The following NFIX variants were observed in gnomAD, a reference collection of about 807,000 sequenced individuals.
NFIX encodes the protein nuclear factor I X.
Under a neutral mutation model 53.3 loss-of-function variants are expected in NFIX, and 2 were observed. The ratio of observed to expected loss-of-function variants is 0.04; its 90% CI spans 0.02 to 0.12. The LOEUF is 0.12. NFIX is among the 10% of genes least tolerant of loss of function. The probability of loss-of-function intolerance (pLI) is 1.00; values close to 1 mark genes in which losing one functional copy is unlikely to be tolerated. For synonymous variants in NFIX, 244 were observed against 289.0 expected (o/e 0.84, Z 1.58); for missense variants, 310 against 674.5 (o/e 0.46, Z 5.99).
intron 7 of NFIX, among the ~76,000 whole-genome samples, chr19:13,079,757 CCA>C (rs894200934): frequency 6.6e-6 from 1 of 152,218 alleles, no homozygotes; most frequent in Non-Finnish European, 1.5e-5. Flanking sequence ...TTTATGAACT[CCA>C]GAGAGAAGCC....
Position 13,037,922 on chromosome 19 carries a change from C to G in NFIX, c.559+12370C>G, listed in dbSNP as rs1006682268. Among the ~76,000 whole-genome samples the G allele has an allele frequency of 6.6e-6, 1 of 152,086 alleles. No individual in the cohort carries two copies. Among genetic ancestry groups the G allele is most frequent in the Non-Finnish European group, 1.5e-5 (1 of 68,014 alleles). ...CGTCACAAGTGCGGAGGTGGAGAAA[C>G]CCAGCCTTAGAGGGAGAATAAGCAG... On this transcript the variant is annotated intron_variant, in intron 2 of 10. Coordinates refer to ENST00000592199, the MANE Select transcript of NFIX (RefSeq NM_001365902.3). The surrounding 1 kb of genome is among the most constrained non-coding windows in gnomAD (Gnocchi z 4.2).
rs897115191 is a variant in NFIX, at chr19:13,060,175, C to T, written c.560-12872C>T. 1.3e-5 allele frequency among the ~76,000 whole-genome samples: 2 copies of T among 152,214 alleles called. No individual in the cohort carries two copies. Among genetic ancestry groups the T allele is most frequent in the African/African-American group, 4.8e-5 (2 of 41,456 alleles). On this transcript the variant is annotated intron_variant, in intron 2 of 10. Transcript: ENST00000592199. The surrounding 1 kb of genome is among the most constrained non-coding windows in gnomAD (Gnocchi z 4.3). ...GGGGTGGGAGTAAGCCTGTTCTCAGCTCCCCTTTACTAGGGACAGGTAATT... is the reference window on the plus strand; with the variant it reads ...GGGGTGGGAGTAAGCCTGTTCTCAGTTCCCCTTTACTAGGGACAGGTAATT...
rs1399948841 is a variant in NFIX, at chr19:12,996,035, A to C, written c.27+171A>C. On this transcript the variant is annotated intron_variant, in intron 1 of 10. Transcript: ENST00000592199. This position sits in a 1 kb window ranked among gnomAD's most constrained non-coding sequence, Gnocchi z 5.2. ...GAGCCCAGGCACGCGTGCGGGCGTCACCGTGCGCGTGCGACCCTGGCCACC... is the reference window on the plus strand; with the variant it reads ...GAGCCCAGGCACGCGTGCGGGCGTCCCCGTGCGCGTGCGACCCTGGCCACC... Among the ~76,000 whole-genome samples the C allele has an allele frequency of 1.3e-5, 2 of 150,832 alleles. No individual in the cohort carries two copies. The highest frequency in any genetic ancestry group is 4.9e-5 in the African/African-American group (2 of 41,096).
rs2012187963 is a variant in NFIX, at chr19:13,009,142, C to T, written c.27+13278C>T. On this transcript the variant is annotated intron_variant, in intron 1 of 10. Coordinates refer to ENST00000592199, the MANE Select transcript of NFIX (RefSeq NM_001365902.3). The surrounding 1 kb of genome is among the most constrained non-coding windows in gnomAD (Gnocchi z 4.7). ...ACCGGCACAATCTGTCGTCCACGCA[C>T]AGTCTCACACACAACCTGTCACACA... Among the ~76,000 whole-genome samples the T allele has an allele frequency of 6.6e-6, 1 of 152,212 alleles. No individual in the cohort carries two copies. Among genetic ancestry groups the T allele is most frequent in the Non-Finnish European group, 1.5e-5 (1 of 68,038 alleles).
chr19:13,016,544 C>T (rs2012676879), intron 1 of NFIX, among the ~76,000 whole-genome samples: 1 of 150,814 alleles, frequency 6.6e-6, no homozygotes, highest in Admixed American at 6.6e-5. Context: ...GCCACCTCTT[C>T]TTTTTTTTCT....
At position 12,996,186 on chromosome 19, in the gene NFIX, G is replaced by A. The variant is rs1445504602; in HGVS notation, c.27+322G>A. 6.6e-6 allele frequency among the ~76,000 whole-genome samples: 1 copy of A among 151,874 alleles called. No individual in the cohort carries two copies. The highest frequency in any genetic ancestry group is 2.4e-5 in the African/African-American group (1 of 41,382). ...GTGTGTGTGTGCGCGCTCGACTGGG[G>A]TGCGATGGGCAGCGGGACTCCGGCT... On this transcript the variant is annotated intron_variant, in intron 1 of 10. Coordinates refer to ENST00000592199, the MANE Select transcript of NFIX (RefSeq NM_001365902.3). The surrounding 1 kb of genome is among the most constrained non-coding windows in gnomAD (Gnocchi z 5.2).
rs1599703322 is a variant in NFIX at position 13,002,504 on chromosome 19, T to A, written c.27+6640T>A. On this transcript the variant is annotated intron_variant, in intron 1 of 10. Coordinates refer to ENST00000592199, the MANE Select transcript of NFIX (RefSeq NM_001365902.3). This position sits in a 1 kb window ranked among gnomAD's most constrained non-coding sequence, Gnocchi z 6.1. ...AGGCCTGGCGGGTGAGGGAACAGGG[T>A]GGACAGGGCCTGGCAGCCAGAGGGA... is the stretch of plus-strand genomic sequence containing the variant. Among the ~76,000 whole-genome samples the A allele has an allele frequency of 1.3e-5, 2 of 148,984 alleles. No individual in the cohort carries two copies. Among genetic ancestry groups the A allele is most frequent in the South Asian group, 4.3e-4 (2 of 4,704 alleles).
chr19:13,069,215 G>A (rs2016615505), intron 2 of NFIX, among the ~76,000 whole-genome samples: 2 of 152,302 alleles, frequency 1.3e-5, no homozygotes, highest in South Asian at 2.1e-4. Flanking sequence ...GAGACTGGGA[G>A]GGTGGTTGGG....
rs965101102 is a variant in NFIX at position 13,078,572 on chromosome 19, C to T, written c.956-41C>T. 1.3e-6 allele frequency: 2 copies of T among 1,570,988 alleles called. No homozygotes were observed. The highest frequency in any genetic ancestry group is 1.7e-6 in the Non-Finnish European group (2 of 1,156,654). On this transcript the variant is annotated intron_variant, in intron 6 of 10. Coordinates refer to ENST00000592199, the MANE Select transcript of NFIX (RefSeq NM_001365902.3). The surrounding 1 kb of genome is among the most constrained non-coding windows in gnomAD (Gnocchi z 4.7). ...CCCGCCTTCCCCGCACCCACCCCAGCCCAGCTAAACCTGCCCTGTGTTGCT... is the reference window on the plus strand; with the variant it reads ...CCCGCCTTCCCCGCACCCACCCCAGTCCAGCTAAACCTGCCCTGTGTTGCT...
chr19:13,068,241 C>A lies in NFIX; in HGVS notation c.560-4806C>A, dbSNP rs565994313. 1.3e-5 allele frequency among the ~76,000 whole-genome samples: 2 copies of A among 152,104 alleles called. No homozygotes were observed. The highest frequency in any genetic ancestry group is 3.9e-4 in the East Asian group (2 of 5,182). ...AAGAGGCAGTGTCCTCTTGGAAACA[C>A]GCACAAGCACACGTGCCTGCAAACA... On this transcript the variant is annotated intron_variant, in intron 2 of 10. Transcript: ENST00000592199. This position sits in a 1 kb window ranked among gnomAD's most constrained non-coding sequence, Gnocchi z 4.2.
rs2011557697 is a variant in NFIX, at chr19:12,998,666, C to T, written c.27+2802C>T. On this transcript the variant is annotated intron_variant, in intron 1 of 10. Transcript: ENST00000592199. The surrounding 1 kb of genome is among the most constrained non-coding windows in gnomAD (Gnocchi z 4.4). ...CCAGGATGTGAACTCACGTACACCA[C>T]CATCACCGCCAAGATGGGGATGTAA... is the stretch of plus-strand genomic sequence containing the variant. Among the ~76,000 whole-genome samples, 1 of 152,098 alleles carries T rather than the reference C, an allele frequency of 6.6e-6. No homozygotes were observed. Among genetic ancestry groups the T allele is most frequent in the Admixed American group, 6.5e-5 (1 of 15,268 alleles).
intron 8 of NFIX, among the ~76,000 whole-genome samples, chr19:13,084,169 T>C (rs1388342183): frequency 6.6e-6 from 1 of 152,130 alleles, no homozygotes; most frequent in African/African-American, 2.4e-5. Context: ...AGGCTGGGCG[T>C]GGTGGCTCAC....
Position 13,014,106 on chromosome 19 carries a change from C to T in NFIX, c.28-10915C>T, listed in dbSNP as rs2012524328. On this transcript the variant is annotated intron_variant, in intron 1 of 10. Transcript: ENST00000592199. This position sits in a 1 kb window ranked among gnomAD's most constrained non-coding sequence, Gnocchi z 4.4. ...TTAAAGAGTGAGAAATAACTCGTCT[C>T]TCCTCTCTCCTCTCCATTCAGCATT... The T allele has an allele frequency of 6.6e-6, 1 of 152,140 alleles. No individual in the cohort carries two copies. The allele number at this position is 152,140 out of a possible 1,614,324, so 9.4% of individuals were successfully genotyped here. A position where few individuals can be genotyped will look rare whatever the true frequency, so the allele number is the denominator to read the frequency against.
At chr19:13,079,334 G>A (rs981007298) in intron 7 of NFIX, among the ~76,000 whole-genome samples, 15 of 152,362 alleles carry the variant, frequency 9.8e-5, no homozygotes, top group East Asian at 3.9e-4. Context: ...GCCCACTGCC[G>A]TGGGGCTGCT....
rs756598364 is a variant in NFIX, at chr19:13,066,020, G to A, written c.560-7027G>A. On this transcript the variant is annotated intron_variant, in intron 2 of 10. Coordinates refer to ENST00000592199, the MANE Select transcript of NFIX (RefSeq NM_001365902.3). This position sits in a 1 kb window ranked among gnomAD's most constrained non-coding sequence, Gnocchi z 4.2. ...TGGCTATGAGTCTATCTCCACATGGGGAGTGGAGGCAACCAAGGACTGTAG... is the reference window on the plus strand; with the variant it reads ...TGGCTATGAGTCTATCTCCACATGGAGAGTGGAGGCAACCAAGGACTGTAG... 2.6e-5 allele frequency among the ~76,000 whole-genome samples: 4 copies of A among 152,166 alleles called. No individual in the cohort carries two copies. Among genetic ancestry groups the A allele is most frequent in the Non-Finnish European group, 4.4e-5 (3 of 68,028 alleles).
At chr19:13,023,166 GGA>G (rs143142047) in intron 1 of NFIX, among the ~76,000 whole-genome samples, 1 of 148,668 alleles carries the variant, frequency 6.7e-6, no homozygotes, top group Non-Finnish European at 1.5e-5. Flanking sequence ...GAGCCTGAAA[GGA>G]GAGAGAGAGA....
intron 1 of NFIX, chr19:13,024,103 A>G: frequency 1.3e-6 from 1 of 753,816 alleles, no homozygotes. Flanking sequence ...ACTTCAAACA[A>G]GCAAACAACC....
rs74181810 is a variant in NFIX, at chr19:13,088,710, CT to C, written c.1402+583del. On this transcript the variant is annotated intron_variant, in intron 9 of 10. Transcript: ENST00000592199. The surrounding 1 kb of genome is among the most constrained non-coding windows in gnomAD (Gnocchi z 5.9). ...TCACATTTGGTTTCTCGTTGTTCCT[CT>C]TTTTTTTTCCCCCCCTTCCATCCCT... is the stretch of plus-strand genomic sequence containing the variant. Among the ~76,000 whole-genome samples, 173 of 150,854 alleles carry C rather than the reference CT, an allele frequency of 1.1e-3. No individual in the cohort carries two copies. Among genetic ancestry groups the C allele is most frequent in the African/African-American group, 2.4e-3 (100 of 41,050 alleles).
At chr19:13,046,077 C>T (rs971318211) in intron 2 of NFIX, among the ~76,000 whole-genome samples, 1 of 152,206 alleles carries the variant, frequency 6.6e-6, no homozygotes, top group African/African-American at 2.4e-5. Context: ...GGCAAGTAAA[C>T]CTGGATGGAG....
Sources: allele counts gnomAD v4.1 joint callset (sites outside exome capture counted in the v4.1 genomes callset), GRCh38; gene constraint gnomAD v4.1.1; non-coding constraint Gnocchi (gnomAD v3.1); transcripts MANE v1.5; gene names NCBI Gene and HGNC (gene_info 2026-07-23, HGNC 2026-07-21).